Variants in RASGEF1A observed in about 807,000 individuals in gnomAD.
RASGEF1A encodes the protein ras-GEF domain-containing family member 1A.
A neutral mutation model predicts 56.4 loss-of-function variants in RASGEF1A; 18 were observed. The ratio of observed to expected loss-of-function variants is 0.32; its 90% CI spans 0.22 to 0.47. The LOEUF is 0.47. RASGEF1A is among the 20% of genes least tolerant of loss of function. The probability of loss-of-function intolerance (pLI) is 1.00; values close to 1 mark genes in which losing one functional copy is unlikely to be tolerated. For missense variants in RASGEF1A, 422 were observed against 627.1 expected (o/e 0.67, Z 3.49); for synonymous variants, 245 against 242.6 (o/e 1.01, Z -0.09).
chr10:43,240,168 T>G (rs940145948), intron 1 of RASGEF1A, among the ~76,000 whole-genome samples: 3 of 152,236 alleles, frequency 2.0e-5, no homozygotes, highest in Non-Finnish European at 2.9e-5. Context: ...CAGAGCCCCT[T>G]AGCGAAGACT....
chr10:43,206,383 G>A (rs766488981), intron 1 of RASGEF1A, among the ~76,000 whole-genome samples: 18 of 152,216 alleles, frequency 1.2e-4, no homozygotes, highest in Non-Finnish European at 2.4e-4. Context: ...ACTCAAAGCC[G>A]GCAGAGAAGA....
intron 4 of RASGEF1A, among the ~76,000 whole-genome samples, chr10:43,201,242 G>A (rs1438915120): frequency 6.6e-6 from 1 of 152,236 alleles, no homozygotes; most frequent in Non-Finnish European, 1.5e-5. Flanking sequence ...GCATGGGAAA[G>A]GCTTCTGCCA....
At chr10:43,266,291 G>A (rs914270068) in intron 1 of RASGEF1A, among the ~76,000 whole-genome samples, 1 of 152,188 alleles carries the variant, frequency 6.6e-6, no homozygotes, top group African/African-American at 2.4e-5. Context: ...CCCTTGCCCA[G>A]CAGGGAGAGG....
intron 3 of RASGEF1A, 41 bp downstream of exon 3, chr10:43,203,257 C>A: frequency 6.6e-7 from 1 of 1,525,296 alleles, no homozygotes; most frequent in Non-Finnish European, 8.8e-7. Flanking sequence ...TCGCCTCCTG[C>A]CCCCTGCCCC....
At chr10:43,206,345 G>A (rs1374579486) in intron 1 of RASGEF1A, among the ~76,000 whole-genome samples, 1 of 152,190 alleles carries the variant, frequency 6.6e-6, no homozygotes, top group African/African-American at 2.4e-5. Context: ...GCTCCCTGTG[G>A]GCCAGACCTC....
rs189256279 is a variant in RASGEF1A at position 43,209,220 on chromosome 10, G to T, written c.-6-3098C>A. The T allele has an allele frequency of 1.3e-4, 130 of 985,144 alleles. No homozygotes were observed. The African/African-American group carries it at 2.1e-3, about 16-fold the overall frequency. The allele number at this position is 985,144 out of a possible 1,614,324, so 61.0% of individuals were successfully genotyped here. On this transcript the variant is annotated intron_variant, in intron 1 of 12. Transcript: ENST00000395810. ...GCCAGGGTGCTGAACACTGAAAACC[G>T]CAAGGCTACAGTTGAAGAATCCCAG... is the stretch of plus-strand genomic sequence containing the variant.
chr10:43,220,218 G>A (rs567086414), intron 1 of RASGEF1A, among the ~76,000 whole-genome samples: 7 of 152,198 alleles, frequency 4.6e-5, no homozygotes, highest in African/African-American at 7.2e-5. Flanking sequence ...CAAAATAAAC[G>A]GCCAGGCACA....
Position 43,196,793 on chromosome 10 carries a change from G to A in RASGEF1A, c.1348+183C>T, listed in dbSNP as rs1418845598. 1.3e-5 allele frequency among the ~76,000 whole-genome samples: 2 copies of A among 152,158 alleles called. No individual in the cohort carries two copies. The highest frequency in any genetic ancestry group is 2.9e-5 in the Non-Finnish European group (2 of 68,020). ...GTGGCTGCTGGAAACTGAGTCTCTTGTCCTTCTCTTCCATCCATCCCATGA... is the reference window on the plus strand; with the variant it reads ...GTGGCTGCTGGAAACTGAGTCTCTTATCCTTCTCTTCCATCCATCCCATGA... On this transcript the variant is annotated intron_variant, in intron 11 of 12. Transcript: ENST00000395810. The surrounding 1 kb of genome is among the most constrained non-coding windows in gnomAD (Gnocchi z 4.6).
At chr10:43,222,073 C>A (rs1480934977) in intron 1 of RASGEF1A, among the ~76,000 whole-genome samples, 1 of 152,202 alleles carries the variant, frequency 6.6e-6, no homozygotes, top group East Asian at 1.9e-4. Flanking sequence ...CACTACACAC[C>A]CAGGCTCCGT....
chr10:43,222,013 G>A (rs903619547), intron 1 of RASGEF1A, among the ~76,000 whole-genome samples: 7 of 152,152 alleles, frequency 4.6e-5, no homozygotes, highest in South Asian at 2.1e-4. Context: ...AGGCGATTTC[G>A]TCGTTGTGCA....
intron 1 of RASGEF1A, among the ~76,000 whole-genome samples, chr10:43,236,977 G>A (rs1414863567): frequency 1.3e-5 from 2 of 151,786 alleles, no homozygotes; most frequent in Non-Finnish European, 2.9e-5. Context: ...TTAAGACCAG[G>A]CTGGCCTTGT....
At chr10:43,222,252 GCTGT>G (rs1840218443) in intron 1 of RASGEF1A, among the ~76,000 whole-genome samples, 1 of 152,168 alleles carries the variant, frequency 6.6e-6, no homozygotes, top group African/African-American at 2.4e-5. Context: ...GGTGCATGAC[GCTGT>G]CTTTTTTCCC....
chr10:43,260,739 G>A (rs750706762), intron 1 of RASGEF1A, among the ~76,000 whole-genome samples: 18 of 152,210 alleles, frequency 1.2e-4, no homozygotes, highest in Admixed American at 4.6e-4. Context: ...CTCTCCAGAC[G>A]TCAGCAGGCA....
intron 1 of RASGEF1A, among the ~76,000 whole-genome samples, chr10:43,230,051 G>A (rs1840342973): frequency 6.6e-6 from 1 of 151,972 alleles, no homozygotes; most frequent in Non-Finnish European, 1.5e-5. Context: ...CGTGCCGGGG[G>A]TCGGTGCTGG....
chr10:43,263,692 G>A (rs909447437), intron 1 of RASGEF1A, among the ~76,000 whole-genome samples: 27 of 152,110 alleles, frequency 1.8e-4, no homozygotes, highest in African/African-American at 6.0e-4. Flanking sequence ...ACCCCAGCCC[G>A]GGCAGTGCCC....
rs987992112 is a variant in RASGEF1A, at chr10:43,202,495, C to T, written c.322-550G>A. ...CGGAAGATGCCCGCGCGGCCTCTGC[C>T]CCCGGGGAGAGGGGACTGTGCCCGA... On this transcript the variant is annotated intron_variant, in intron 3 of 12. Transcript: ENST00000395810. 3.9e-5 allele frequency among the ~76,000 whole-genome samples: 6 copies of T among 152,228 alleles called. No individual in the cohort carries two copies. In the South Asian group the frequency reaches 8.3e-4, roughly 21 times the overall value.
At position 43,225,576 on chromosome 10, in the gene RASGEF1A, G is replaced by GGTGTGT. The variant is rs139307816; in HGVS notation, c.-6-19460_-6-19455dup. 7.8e-3 allele frequency among the ~76,000 whole-genome samples: 1,139 copies of GGTGTGT among 146,162 alleles called. 33 individuals carry two copies. The East Asian group carries it at 0.09, about 12-fold the overall frequency. On this transcript the variant is annotated intron_variant, in intron 1 of 12. Transcript: ENST00000395810. ...CTCTGTGTGTGGGTGTCTGTGTATGGGTGTGTGTGTGTGTGTGTGTGTGTG... is the reference window on the plus strand; with the variant it reads ...CTCTGTGTGTGGGTGTCTGTGTATGGGTGTGTGTGTGTGTGTGTGTGTGTGTGTGTG...
chr10:43,224,986 C>T (rs1269966021), intron 1 of RASGEF1A, among the ~76,000 whole-genome samples: 2 of 152,046 alleles, frequency 1.3e-5, no homozygotes, highest in Non-Finnish European at 2.9e-5. Context: ...TACAGAGATG[C>T]TCACACCAGT....
At chr10:43,219,545 G>T (rs1219139478) in intron 1 of RASGEF1A, among the ~76,000 whole-genome samples, 1 of 152,216 alleles carries the variant, frequency 6.6e-6, no homozygotes, top group Non-Finnish European at 1.5e-5. Context: ...CAGTAGGAAG[G>T]CACCAGCAAT....
Sources: allele counts gnomAD v4.1 joint callset (sites outside exome capture counted in the v4.1 genomes callset), GRCh38; gene constraint gnomAD v4.1.1; non-coding constraint Gnocchi (gnomAD v3.1); transcripts MANE v1.5; gene names NCBI Gene and HGNC (gene_info 2026-07-23, HGNC 2026-07-21).